PDE9A: variants seen among roughly 807,000 people sequenced by gnomAD.
The protein encoded by PDE9A is high affinity cGMP-specific 3',5'-cyclic phosphodiesterase 9A.
In PDE9A, 60 loss-of-function variants were observed where a neutral mutation model predicts 87.4. That is an observed-to-expected ratio of 0.69 (90% CI 0.56 to 0.85). The LOEUF is 0.85. Among genes scored for constraint, PDE9A ranks in the 40% least tolerant of loss-of-function variants. PDE9A has a pLI of 0.00. For missense variants in PDE9A, 665 were observed against 779.0 expected (o/e 0.85, Z 1.74); for synonymous variants, 272 against 279.4 (o/e 0.97, Z 0.27).
intron 1 of PDE9A, 97 bp downstream of exon 1, chr21:42,653,980 C>T (rs2056841909): frequency 1.6e-6 from 1 of 609,718 alleles, no homozygotes; most frequent in South Asian, 2.0e-5. Flanking sequence ...TCTGCCGGTC[C>T]AGGCTGCGGC....
At chr21:42,754,197 A>AC (rs1555946054) in intron 10 of PDE9A, 133 bp downstream of exon 10, 7 of 609,448 alleles carry the variant, frequency 1.1e-5, no homozygotes, top group Admixed American at 3.0e-5. Flanking sequence ...AAAAAAAAAA[A>AC]CAAAACTTGT....
At chr21:42,654,539 C>T (rs1212364742) in intron 1 of PDE9A, among the ~76,000 whole-genome samples, 1 of 152,164 alleles carries the variant, frequency 6.6e-6, no homozygotes, top group Non-Finnish European at 1.5e-5. Flanking sequence ...ATGAGCGCGC[C>T]GGCTTGGAAG....
Position 42,759,645 on chromosome 21 carries a change from GTGTC to G in PDE9A, c.897+564_897+567del. On this transcript the variant is annotated intron_variant, in intron 11 of 19. Coordinates refer to ENST00000291539, the MANE Select transcript of PDE9A (RefSeq NM_002606.3). This position sits in a 1 kb window ranked among gnomAD's most constrained non-coding sequence, Gnocchi z 7.2. The stretch of plus-strand genomic sequence containing the variant: ...GGGGTGGGAGTAGGAGTGTGGAGGT[GTGTC>G]TGTGTGTGTCAGTGTGGATGTGTGC... 6.6e-6 allele frequency among the ~76,000 whole-genome samples: 1 copy of G among 151,278 alleles called. No homozygotes were observed. Among genetic ancestry groups the G allele is most frequent in the African/African-American group, 2.4e-5 (1 of 41,202 alleles).
intron 15 of PDE9A, among the ~76,000 whole-genome samples, chr21:42,766,149 G>C (rs144138158): frequency 4.5e-4 from 69 of 152,238 alleles, no homozygotes; most frequent in Middle Eastern, 3.4e-3. Context: ...AGCAATATTA[G>C]CAAGACTCCA....
In PDE9A at chr21:42,759,877, C is replaced by G; in HGVS notation, c.898-451C>G. Among the ~76,000 whole-genome samples, 1 of 149,416 alleles carries G rather than the reference C, an allele frequency of 6.7e-6. No homozygotes were observed. Among genetic ancestry groups the G allele is most frequent in the Non-Finnish European group, 1.5e-5 (1 of 67,402 alleles). Reference sequence around the variant, plus strand: ...TGAGTGGGTGTGTGCATGTGGGTGTCTGCCTGTGTGAATATGTTTGGCAGC... The same window carrying G: ...TGAGTGGGTGTGTGCATGTGGGTGTGTGCCTGTGTGAATATGTTTGGCAGC... On this transcript the variant is annotated intron_variant, in intron 11 of 19. Coordinates refer to ENST00000291539, the MANE Select transcript of PDE9A (RefSeq NM_002606.3). This position sits in a 1 kb window ranked among gnomAD's most constrained non-coding sequence, Gnocchi z 7.2.
At chr21:42,653,925 T>TCACCCGGGGG in intron 1 of PDE9A, 42 bp downstream of exon 1, 1 of 1,226,734 alleles carries the variant, frequency 8.2e-7, no homozygotes, top group Non-Finnish European at 1.1e-6. Context: ...TCCCCCCGGG[T>TCACCCGGGGG]GACAGCGCCG....
At chr21:42,657,837 G>A (rs1361393191) in intron 1 of PDE9A, among the ~76,000 whole-genome samples, 1 of 152,244 alleles carries the variant, frequency 6.6e-6, no homozygotes, top group Non-Finnish European at 1.5e-5. Flanking sequence ...CGGCCTCCCT[G>A]GCGCCTCTGG....
At position 42,708,680 on chromosome 21, in the gene PDE9A, G is replaced by A. The variant is rs146759275; in HGVS notation, c.262+9669G>A. Among the ~76,000 whole-genome samples, 214 of 152,158 alleles carry A rather than the reference G, an allele frequency of 1.4e-3. 2 individuals carry two copies. The highest frequency in any genetic ancestry group is 4.6e-3 in the African/African-American group (190 of 41,516). ...AGCAATTATCCTGCCTCAGCCTCCCGTGTAGCTGAGATTACAGGCGCATGC... is the reference window on the plus strand; with the variant it reads ...AGCAATTATCCTGCCTCAGCCTCCCATGTAGCTGAGATTACAGGCGCATGC... On this transcript the variant is annotated intron_variant, in intron 4 of 19. Coordinates refer to ENST00000291539, the MANE Select transcript of PDE9A (RefSeq NM_002606.3).
rs1372548836 is a variant in PDE9A at position 42,765,513 on chromosome 21, C to G, written c.1356+19C>G. The stretch of plus-strand genomic sequence containing the variant: ...GACCCTGGTGAGTGGCTTATTCTGC[C>G]TGGGTGGGCAGCCAGGCGGTGGGCT... On this transcript the variant is annotated intron_variant, in intron 15 of 19. Coordinates refer to ENST00000291539, the MANE Select transcript of PDE9A (RefSeq NM_002606.3). The G allele has an allele frequency of 6.9e-7, 1 of 1,440,240 alleles. No individual in the cohort carries two copies. 89.2% of individuals were successfully genotyped at this position (1,440,240 alleles called of 1,614,324 possible).
chr21:42,663,933 AG>A (rs1179796883), intron 1 of PDE9A, among the ~76,000 whole-genome samples: 1 of 152,196 alleles, frequency 6.6e-6, no homozygotes. Context: ...CAGGACACCC[AG>A]GATGCTCCAG....
At chr21:42,681,297 G>A (rs570333468) in intron 1 of PDE9A, among the ~76,000 whole-genome samples, 21 of 152,236 alleles carry the variant, frequency 1.4e-4, no homozygotes, top group Non-Finnish European at 1.8e-4. Context: ...CTTCCATTAC[G>A]TGGTGTCTAG....
chr21:42,666,235 C>T (rs575381115), intron 1 of PDE9A, among the ~76,000 whole-genome samples: 3 of 152,160 alleles, frequency 2.0e-5, no homozygotes, highest in South Asian at 4.1e-4. Flanking sequence ...TCCAGAAGGC[C>T]CTTCTTGCTG....
At position 42,659,691 on chromosome 21, in the gene PDE9A, T is replaced by C. The variant is rs1485107074; in HGVS notation, c.69+5808T>C. 6.6e-6 allele frequency among the ~76,000 whole-genome samples: 1 copy of C among 152,180 alleles called. No homozygotes were observed. Among genetic ancestry groups the C allele is most frequent in the Non-Finnish European group, 1.5e-5 (1 of 68,020 alleles). ...TTGTCTTGTCACTCCCCGAGTCCAC[T>C]GTGAGCTAGAACCACAGGCTCCCAT... On this transcript the variant is annotated intron_variant, in intron 1 of 19. Coordinates refer to ENST00000291539, the MANE Select transcript of PDE9A (RefSeq NM_002606.3). The surrounding 1 kb of genome is among the most constrained non-coding windows in gnomAD (Gnocchi z 4.1).
intron 1 of PDE9A, among the ~76,000 whole-genome samples, chr21:42,667,843 C>G (rs2058113199): frequency 6.6e-6 from 1 of 152,034 alleles, no homozygotes; most frequent in African/African-American, 2.4e-5. Flanking sequence ...TCTCAAGGGA[C>G]CCAGCACAGG....
Position 42,686,234 on chromosome 21 carries a change from C to G in PDE9A, c.112C>G (p.Leu38Val). The G allele has an allele frequency of 6.2e-7, 1 of 1,613,894 alleles. No individual in the cohort carries two copies. The highest frequency in any genetic ancestry group is 2.2e-5 in the East Asian group (1 of 44,868). ...CTGCAACTCCAGCGACATCATGGACCTGTTCTGCATCGCCACCGGCCTGCC... is the reference window on the plus strand; with the variant it reads ...CTGCAACTCCAGCGACATCATGGACGTGTTCTGCATCGCCACCGGCCTGCC... Reference protein sequence around the residue: ...KYCNSSDIMDLFCIATGLPRN... With the variant: ...KYCNSSDIMDVFCIATGLPRN... The change falls in exon 2 of 20, where the codon CTG (leucine) becomes GTG (valine). Residue 38 changes from leucine (L) to valine (V), a missense_variant. Leu to Val is a conservative substitution (Grantham distance 32). Transcript: ENST00000291539.
At chr21:42,762,332 C>T (rs2055881474) in intron 14 of PDE9A, 93 bp downstream of exon 14, 4 of 1,373,194 alleles carry the variant, frequency 2.9e-6, no homozygotes, top group Non-Finnish European at 4.0e-6. Flanking sequence ...CCCAGAAGCT[C>T]CTGGCCACAG....
intron 6 of PDE9A, 114 bp downstream of exon 6, chr21:42,732,238 C>G: frequency 9.8e-7 from 1 of 1,022,216 alleles, no homozygotes; most frequent in East Asian, 2.6e-5. Context: ...GGCTGTCTCA[C>G]CTGCCTGGAG....
chr21:42,670,072 CACAT>C (rs751953914), intron 1 of PDE9A, among the ~76,000 whole-genome samples: 5 of 151,948 alleles, frequency 3.3e-5, no homozygotes, highest in African/African-American at 9.7e-5. Context: ...TTCACACACT[CACAT>C]ACTTACACAC....
At chr21:42,743,712 G>A in intron 7 of PDE9A, 64 bp from the exon 8 acceptor site, 1 of 1,063,296 alleles carries the variant, frequency 9.4e-7, no homozygotes, top group Admixed American at 2.0e-5. Context: ...TTAGTTACCA[G>A]CCTTGAGAGA....
Sources: gnomAD v4.1 joint callset for allele counts (sites outside exome capture counted in the v4.1 genomes callset) on GRCh38, gnomAD v4.1.1 for gene constraint, Gnocchi (gnomAD v3.1) non-coding constraint, MANE v1.5 for transcripts, NCBI Gene and HGNC (gene_info 2026-07-23, HGNC 2026-07-21) for gene names.